The following OTUD7A variants were observed in gnomAD, a reference collection of about 807,000 sequenced individuals.
The protein encoded by OTUD7A is OTU domain-containing protein 7A.
A neutral mutation model predicts 65.7 loss-of-function variants in OTUD7A; 12 were observed. The ratio of observed to expected loss-of-function variants is 0.18; its 90% confidence interval spans 0.12 to 0.30. OTUD7A has a LOEUF of 0.30. Ranked by LOEUF, OTUD7A falls within the 10% of genes least tolerant of loss-of-function variation. The pLI is 1.00. For synonymous variants in OTUD7A, 641 were observed against 586.3 expected (o/e 1.09, Z -1.35); for missense variants, 1,148 against 1,304.8 (o/e 0.88, Z 1.85).
intron 1 of OTUD7A, among the ~76,000 whole-genome samples, chr15:31,773,989 C>G (rs1301130482): frequency 6.6e-6 from 1 of 152,184 alleles, no homozygotes; most frequent in African/African-American, 2.4e-5. Context: ...AACACTTTAT[C>G]AGTCATTGAA....
intron 1 of OTUD7A, among the ~76,000 whole-genome samples, chr15:31,794,005 G>A (rs927899695): frequency 6.6e-6 from 1 of 152,160 alleles, no homozygotes; most frequent in Non-Finnish European, 1.5e-5. Context: ...TTTGTGCTTT[G>A]AAGTTTAATT....
intron 1 of OTUD7A, among the ~76,000 whole-genome samples, chr15:31,688,630 G>A (rs1000602037): frequency 3.9e-5 from 6 of 152,204 alleles, no homozygotes; most frequent in African/African-American, 9.7e-5. Flanking sequence ...ATATTTCACA[G>A]TGGTAATAGT....
intron 3 of OTUD7A, among the ~76,000 whole-genome samples, chr15:31,609,786 C>T (rs1566942434): frequency 6.6e-6 from 1 of 152,204 alleles, no homozygotes; most frequent in East Asian, 1.9e-4. Flanking sequence ...GAACATTAAA[C>T]CACCAAAGCT....
intron 1 of OTUD7A, among the ~76,000 whole-genome samples, chr15:31,717,761 T>C (rs1893630660): frequency 6.6e-6 from 1 of 152,198 alleles, no homozygotes; most frequent in African/African-American, 2.4e-5. Flanking sequence ...TACCCAGTAA[T>C]GGGATTGCTG....
Position 31,791,550 on chromosome 15 carries a change from G to A in OTUD7A, c.-100+78957C>T, listed in dbSNP as rs561752776. ...ATAGGGAAAGCTCAACTAAAGGGAC[G>A]CATGCGACACAGACACATGATGGAT... On this transcript the variant is annotated intron_variant, in intron 1 of 12. Transcript: ENST00000307050. Among the ~76,000 whole-genome samples the A allele has an allele frequency of 3.9e-5, 6 of 152,276 alleles. No individual in the cohort carries two copies. The South Asian group carries it at 6.2e-4, about 16-fold the overall frequency.
chr15:31,594,423 T>C (rs1445870068), intron 3 of OTUD7A, among the ~76,000 whole-genome samples: 1 of 152,172 alleles, frequency 6.6e-6, no homozygotes, highest in East Asian at 1.9e-4. Context: ...AAGAAAGCCT[T>C]CTAGCTCTTT....
intron 1 of OTUD7A, among the ~76,000 whole-genome samples, chr15:31,811,088 G>A (rs1262483289): frequency 6.6e-6 from 1 of 152,210 alleles, no homozygotes; most frequent in African/African-American, 2.4e-5. Flanking sequence ...TTATACACAG[G>A]TGAGGCATGC....
rs145581747 is a variant in OTUD7A, at chr15:31,796,142, C to CGTGTGTGTGTGT, written c.-100+74353_-100+74364dup. Among the ~76,000 whole-genome samples, 351 of 148,098 alleles carry CGTGTGTGTGTGT rather than the reference C, an allele frequency of 2.4e-3. 2 individuals are homozygous for CGTGTGTGTGTGT. The highest frequency in any genetic ancestry group is 0.012 in the East Asian group (62 of 5,028). On this transcript the variant is annotated intron_variant, in intron 1 of 12. Transcript: ENST00000307050. ...AGAGAAGCAGAACCAGTAAGGGGTGCGTGTGTGTGTGTGTGTGTGTGTGTA... is the reference window on the plus strand; with the variant it reads ...AGAGAAGCAGAACCAGTAAGGGGTGCGTGTGTGTGTGTGTGTGTGTGTGTGTGTGTGTGTGTA...
At chr15:31,603,195 C>T (rs1381704208) in intron 3 of OTUD7A, among the ~76,000 whole-genome samples, 5 of 152,182 alleles carry the variant, frequency 3.3e-5, no homozygotes, top group African/African-American at 9.7e-5. Flanking sequence ...TCAAACTGTA[C>T]TACAAGGCTA....
chr15:31,704,467 C>T (rs1235833829), intron 1 of OTUD7A, among the ~76,000 whole-genome samples: 19 of 143,952 alleles, frequency 1.3e-4, no homozygotes, highest in African/African-American at 4.3e-4. Context: ...CTGTGCCGAC[C>T]TATTTCTCAA....
chr15:31,652,815 A>G (rs1891879797), intron 3 of OTUD7A, among the ~76,000 whole-genome samples: 1 of 152,250 alleles, frequency 6.6e-6, no homozygotes, highest in South Asian at 2.1e-4. Context: ...GAAAAAACAA[A>G]AAAGGAAGAA....
chr15:31,499,455 G>T (rs980789256), intron 10 of OTUD7A, among the ~76,000 whole-genome samples: 11 of 152,222 alleles, frequency 7.2e-5, no homozygotes, highest in Non-Finnish European at 1.6e-4. Flanking sequence ...ACTCCAGCAG[G>T]CCTGAGTCTG....
intron 1 of OTUD7A, among the ~76,000 whole-genome samples, chr15:31,803,174 C>T (rs1314929336): frequency 1.3e-5 from 2 of 152,166 alleles, no homozygotes; most frequent in East Asian, 3.9e-4. Context: ...TCAGAGTGGC[C>T]CAGGTCACCA....
At chr15:31,485,260 G>A (rs2041220818) in intron 12 of OTUD7A, among the ~76,000 whole-genome samples, 1 of 152,180 alleles carries the variant, frequency 6.6e-6, no homozygotes, top group South Asian at 2.1e-4. Context: ...CTGAAAAGAT[G>A]TCTCACCTCA....
rs2041470421 is a variant in OTUD7A at position 31,501,802 on chromosome 15, G to A, written c.1059C>T (p.Pro353=). ...APIPFGGIYL[P]LEVPPNRCHC... is the part of the protein sequence containing the mutation. The stretch of plus-strand genomic sequence containing the variant: ...GGCATCTGTTGGGAGGGACCTCCAA[G>A]GGCAGGTAGATCCCTCCGAATGGGA... The change falls in exon 10 of 13, where the codon CCC becomes CCT. Residue 353 remains proline (P), a synonymous_variant. Transcript: ENST00000307050. 1.2e-6 allele frequency: 2 copies of A among 1,614,010 alleles called. No homozygotes were observed. The highest frequency in any genetic ancestry group is 2.2e-5 in the South Asian group (2 of 91,080).
At chr15:31,670,602 T>C (rs572101067) in intron 1 of OTUD7A, among the ~76,000 whole-genome samples, 23 of 152,332 alleles carry the variant, frequency 1.5e-4, no homozygotes, top group Non-Finnish European at 2.8e-4. Context: ...TCTGTTCATA[T>C]CCTTTGCCCA....
chr15:31,485,670 A>G (rs1007623300), intron 12 of OTUD7A, among the ~76,000 whole-genome samples: 1 of 152,196 alleles, frequency 6.6e-6, no homozygotes, highest in African/African-American at 2.4e-5. Flanking sequence ...ACCGAGTGTC[A>G]TTGGACGAGA....
chr15:31,779,851 T>G (rs1895490389), intron 1 of OTUD7A, among the ~76,000 whole-genome samples: 1 of 152,010 alleles, frequency 6.6e-6, no homozygotes, highest in Admixed American at 6.6e-5. Context: ...GTCGGTAAGA[T>G]GGGGGTTTGG....
chr15:31,778,579 C>G (rs1895451081), intron 1 of OTUD7A, among the ~76,000 whole-genome samples: 1 of 152,218 alleles, frequency 6.6e-6, no homozygotes, highest in Admixed American at 6.5e-5. Context: ...GATGCCCACT[C>G]CAATGCTGCA....
Sources: gnomAD v4.1 joint callset for allele counts (sites outside exome capture counted in the v4.1 genomes callset) on GRCh38, gnomAD v4.1.1 for gene constraint, MANE v1.5 for transcripts, NCBI Gene and HGNC (gene_info 2026-07-23, HGNC 2026-07-21) for gene names.